Variants in ADGRL3 observed in about 807,000 individuals in gnomAD.
ADGRL3 encodes adhesion G protein-coupled receptor L3, also known as calcium-independent alpha-latrotoxin receptor 3.
In ADGRL3, 62 loss-of-function variants were observed where a neutral mutation model predicts 153.5. The ratio of observed to expected loss-of-function variants is 0.40; its 90% CI spans 0.33 to 0.50. ADGRL3 has a LOEUF of 0.50. Ranked by LOEUF, ADGRL3 falls within the 20% of genes least tolerant of loss-of-function variation. The pLI is 0.47. For synonymous variants in ADGRL3, 710 were observed against 672.5 expected (o/e 1.06, Z -0.86); for missense variants, 1,641 against 1,859.4 (o/e 0.88, Z 2.16).
At chr4:61,986,180 T>A (rs977041681) in intron 19 of ADGRL3, among the ~76,000 whole-genome samples, 7 of 152,154 alleles carry the variant, frequency 4.6e-5, no homozygotes, top group African/African-American at 1.7e-4. Context: ...CATGGGACTT[T>A]ACATTTTTCT....
At chr4:61,642,620 G>A (rs1369120486) in intron 5 of ADGRL3, among the ~76,000 whole-genome samples, 1 of 152,080 alleles carries the variant, frequency 6.6e-6, no homozygotes, top group African/African-American at 2.4e-5. Context: ...TTATTTCTGA[G>A]GGCTCTGTTC....
chr4:62,065,745 T>G (rs1194629898), intron 25 of ADGRL3, among the ~76,000 whole-genome samples: 1 of 152,062 alleles, frequency 6.6e-6, no homozygotes, highest in Non-Finnish European at 1.5e-5. Flanking sequence ...TTTTTCCTAA[T>G]TCAATATCTG....
At chr4:61,218,099 A>G (rs555899152) in intron 1 of ADGRL3, among the ~76,000 whole-genome samples, 1 of 152,322 alleles carries the variant, frequency 6.6e-6, no homozygotes, top group East Asian at 1.9e-4. Context: ...ATTATTTGGA[A>G]CAAATTATTT....
intron 8 of ADGRL3, among the ~76,000 whole-genome samples, chr4:61,739,674 A>G (rs1210988803): frequency 6.6e-6 from 1 of 152,186 alleles, no homozygotes; most frequent in Non-Finnish European, 1.5e-5. Context: ...AGTCATCTTC[A>G]CTGTCAGCAC....
intron 1 of ADGRL3, among the ~76,000 whole-genome samples, chr4:61,303,671 G>T (rs896937568): frequency 1.2e-4 from 19 of 152,238 alleles, no homozygotes; most frequent in African/African-American, 4.3e-4. Context: ...ATCATTAAGT[G>T]TCTGAAAAGT....
At chr4:61,568,594 G>A (rs1206845200) in intron 4 of ADGRL3, among the ~76,000 whole-genome samples, 1 of 152,068 alleles carries the variant, frequency 6.6e-6, no homozygotes, top group Admixed American at 6.6e-5. Context: ...GGTGAAGTCA[G>A]GATTCCTTAA....
chr4:61,579,361 T>C (rs2098913179), intron 4 of ADGRL3, among the ~76,000 whole-genome samples: 2 of 152,122 alleles, frequency 1.3e-5, no homozygotes. Context: ...TTGGATTTTT[T>C]GACATTTAGA....
At position 61,635,641 on chromosome 4, in the gene ADGRL3, A is replaced by G. The variant is rs144399474; in HGVS notation, c.474-41185A>G. ...ATGGTGAACTGAATTTACTTAAAAC[A>G]ACAAGGCTCAGACCCATTGTATGAG... On this transcript the variant is annotated intron_variant, in intron 5 of 26. Transcript: ENST00000683033. 4.3e-4 allele frequency among the ~76,000 whole-genome samples: 65 copies of G among 152,264 alleles called. 2 individuals carry two copies. The highest frequency in any genetic ancestry group is 1.5e-3 in the African/African-American group (64 of 41,582).
intron 3 of ADGRL3, among the ~76,000 whole-genome samples, chr4:61,513,574 T>C (rs2098475185): frequency 6.6e-6 from 1 of 152,142 alleles, no homozygotes; most frequent in Admixed American, 6.6e-5. Context: ...TATTTCACGC[T>C]TGCCCACTAG....
At position 61,394,540 on chromosome 4, in the gene ADGRL3, T is replaced by C. The variant is rs566351351; in HGVS notation, c.-174+11351T>C. 2.7e-3 allele frequency among the ~76,000 whole-genome samples: 409 copies of C among 152,132 alleles called. 2 individuals carry two copies. Among genetic ancestry groups the C allele is most frequent in the African/African-American group, 9.4e-3 (391 of 41,552 alleles). On this transcript the variant is annotated intron_variant, in intron 2 of 26. Transcript: ENST00000683033. ...TATTTGGCCCAGGAATACCACACTT[T>C]TTCTTCTTTAAAACATTACAAATTT...
At chr4:61,893,049 C>A in intron 10 of ADGRL3, 91 bp downstream of exon 10, 1 of 653,912 alleles carries the variant, frequency 1.5e-6, no homozygotes, top group South Asian at 5.0e-5. Context: ...CTCCTTTCCT[C>A]CCTCCCTCCC....
At chr4:61,923,468 C>T (rs2098779724) in intron 13 of ADGRL3, among the ~76,000 whole-genome samples, 1 of 152,116 alleles carries the variant, frequency 6.6e-6, no homozygotes, top group African/African-American at 2.4e-5. Flanking sequence ...TTTTGAACTA[C>T]AGTGCTTGAG....
chr4:61,798,676 G>C (rs1317151835), intron 8 of ADGRL3, among the ~76,000 whole-genome samples: 1 of 151,642 alleles, frequency 6.6e-6, no homozygotes, highest in Non-Finnish European at 1.5e-5. Flanking sequence ...GGAGTGCAGT[G>C]GCACGATCTT....
intron 17 of ADGRL3, among the ~76,000 whole-genome samples, chr4:61,978,833 A>T (rs1007383862): frequency 6.6e-6 from 1 of 151,772 alleles, no homozygotes; most frequent in African/African-American, 2.4e-5. Flanking sequence ...TAATACAGCA[A>T]TTCTGAATAT....
At chr4:61,711,491 T>TATACAC (rs757078842) in intron 6 of ADGRL3, among the ~76,000 whole-genome samples, 1 of 89,210 alleles carries the variant, frequency 1.1e-5, no homozygotes, top group Non-Finnish European at 2.4e-5. Context: ...TATATATATA[T>TATACAC]ACACACACAC....
intron 4 of ADGRL3, among the ~76,000 whole-genome samples, chr4:61,552,527 A>C (rs2098744890): frequency 6.6e-6 from 1 of 152,094 alleles, no homozygotes; most frequent in Non-Finnish European, 1.5e-5. Context: ...GCAGTGGTAC[A>C]ATGACGGCTC....
At chr4:62,057,248 T>C (rs1163029350) in intron 25 of ADGRL3, among the ~76,000 whole-genome samples, 1 of 152,168 alleles carries the variant, frequency 6.6e-6, no homozygotes, top group Admixed American at 6.6e-5. Flanking sequence ...CTCAGTTACA[T>C]ATATTACACT....
intron 1 of ADGRL3, among the ~76,000 whole-genome samples, chr4:61,366,598 G>A (rs183979692): frequency 6.6e-6 from 1 of 152,212 alleles, no homozygotes; most frequent in Admixed American, 6.5e-5. Context: ...GGATCAACTT[G>A]CATTTGACTG....
intron 3 of ADGRL3, among the ~76,000 whole-genome samples, chr4:61,515,853 G>A (rs1172074027): frequency 6.6e-6 from 1 of 152,080 alleles, no homozygotes; most frequent in Non-Finnish European, 1.5e-5. Flanking sequence ...GGAGCCAAAA[G>A]TTCAGAAATG....
Sources: allele counts gnomAD v4.1 joint callset (sites outside exome capture counted in the v4.1 genomes callset), GRCh38; gene constraint gnomAD v4.1.1; transcripts MANE v1.5; gene names NCBI Gene and HGNC (gene_info 2026-07-23, HGNC 2026-07-21).